The following TMEFF2 variants were observed in gnomAD, a reference collection of about 807,000 sequenced individuals.
The protein encoded by TMEFF2 is tomoregulin-2.
TMEFF2 carries 28 observed loss-of-function variants against 53.8 expected under a neutral mutation model. The ratio of observed to expected loss-of-function variants is 0.52; its 90% CI spans 0.39 to 0.71. The LOEUF (loss-of-function observed/expected upper bound fraction) is 0.71, where lower values mean the gene tolerates loss of function less well. TMEFF2 is among the 30% of genes least tolerant of loss of function. The probability of loss-of-function intolerance (pLI) is 0.00; values close to 1 mark genes in which losing one functional copy is unlikely to be tolerated. For missense variants in TMEFF2, 353 were observed against 455.2 expected (o/e 0.78, Z 2.04); for synonymous variants, 162 against 166.3 (o/e 0.97, Z 0.20).
At chr2:192,089,115 CA>C (rs767437719) in intron 4 of TMEFF2, among the ~76,000 whole-genome samples, 105 of 152,238 alleles carry the variant, frequency 6.9e-4, no homozygotes, top group Non-Finnish European at 1.1e-3. Context: ...TGAATTGCTC[CA>C]ATTCAGCTAA....
In TMEFF2 at chr2:192,183,924, G is replaced by A. The variant is rs184824606; in HGVS notation, c.412+430C>T. On this transcript the variant is annotated intron_variant, in intron 3 of 9. Coordinates refer to ENST00000272771, the MANE Select transcript of TMEFF2 (RefSeq NM_016192.4). ...TTTTGTAGAGCTGCTAAGATTAGAC[G>A]TCAACTTCAGAGCCCAAACCTGCAA... Among the ~76,000 whole-genome samples the A allele has an allele frequency of 4.7e-4, 71 of 152,130 alleles. 1 individual carries two copies. Among genetic ancestry groups the A allele is most frequent in the African/African-American group, 1.3e-3 (54 of 41,504 alleles).
chr2:192,112,638 C>T (rs1431787792), intron 4 of TMEFF2, among the ~76,000 whole-genome samples: 8 of 152,170 alleles, frequency 5.3e-5, no homozygotes, highest in South Asian at 2.1e-4. Context: ...GGTTTTGAAA[C>T]GTGAGAACAT....
intron 7 of TMEFF2, among the ~76,000 whole-genome samples, chr2:191,970,571 T>C (rs947637291): frequency 4.6e-5 from 7 of 152,120 alleles, no homozygotes; most frequent in Non-Finnish European, 8.8e-5. Flanking sequence ...CTTTTGAAAC[T>C]TGAGAGAAAG....
intron 5 of TMEFF2, among the ~76,000 whole-genome samples, chr2:192,017,716 A>G (rs1158037812): frequency 1.3e-5 from 2 of 152,098 alleles, no homozygotes; most frequent in African/African-American, 4.8e-5. Flanking sequence ...AGTCTCTTCA[A>G]TTCAGTCTGA....
At chr2:191,999,977 A>G (rs1419343486) in intron 5 of TMEFF2, among the ~76,000 whole-genome samples, 1 of 151,944 alleles carries the variant, frequency 6.6e-6, no homozygotes, top group Non-Finnish European at 1.5e-5. Flanking sequence ...GCCACTCATG[A>G]TGTTAATATT....
intron 4 of TMEFF2, among the ~76,000 whole-genome samples, chr2:192,173,900 T>G (rs1419636939): frequency 6.6e-6 from 1 of 151,844 alleles, no homozygotes; most frequent in African/African-American, 2.4e-5. Flanking sequence ...TATATTCTTA[T>G]AGTATATGGG....
intron 7 of TMEFF2, among the ~76,000 whole-genome samples, chr2:191,993,824 C>T (rs747504495): frequency 5.9e-5 from 9 of 152,000 alleles, no homozygotes; most frequent in East Asian, 3.9e-4. Flanking sequence ...AGCCTCTTGG[C>T]GTATTTTGTA....
intron 4 of TMEFF2, among the ~76,000 whole-genome samples, chr2:192,133,868 C>T (rs1170999235): frequency 6.6e-6 from 1 of 152,232 alleles, no homozygotes; most frequent in Non-Finnish European, 1.5e-5. Context: ...CGTAAAAACA[C>T]ACGTGCTCTC....
chr2:192,001,343 C>T (rs1303744292), intron 5 of TMEFF2, among the ~76,000 whole-genome samples: 1 of 151,628 alleles, frequency 6.6e-6, no homozygotes, highest in Non-Finnish European at 1.5e-5. Context: ...GAAATGTACA[C>T]TATATATATA....
At position 192,175,089 on chromosome 2, in the gene TMEFF2, T is replaced by G. The variant is rs1691005788; in HGVS notation, c.439+4579A>C. 7.9e-5 allele frequency among the ~76,000 whole-genome samples: 12 copies of G among 151,886 alleles called. No individual in the cohort carries two copies. The South Asian group carries it at 2.5e-3, about 31-fold the overall frequency. ...GTGTGCTCAGAAGAGAATTTACATG[T>G]AATCTCCATGAGTGTAAAGAACTGT... On this transcript the variant is annotated intron_variant, in intron 4 of 9. Coordinates refer to ENST00000272771, the MANE Select transcript of TMEFF2 (RefSeq NM_016192.4).
chr2:192,096,763 G>A (rs761789605), intron 4 of TMEFF2, among the ~76,000 whole-genome samples: 4 of 129,298 alleles, frequency 3.1e-5, no homozygotes, highest in Non-Finnish European at 4.7e-5. Context: ...TGCAACCTCC[G>A]CCTCCTGAGT....
intron 5 of TMEFF2, among the ~76,000 whole-genome samples, chr2:192,039,784 A>C (rs1023877124): frequency 6.6e-6 from 1 of 152,126 alleles, no homozygotes; most frequent in African/African-American, 2.4e-5. Flanking sequence ...GTGAATGTGA[A>C]TTATAATTTT....
At chr2:191,964,470 A>G (rs975400079) in intron 7 of TMEFF2, among the ~76,000 whole-genome samples, 3 of 144,796 alleles carry the variant, frequency 2.1e-5, no homozygotes, top group African/African-American at 7.7e-5. Flanking sequence ...TCTAGGGCCA[A>G]TCCCTCATGA....
intron 4 of TMEFF2, among the ~76,000 whole-genome samples, chr2:192,169,893 T>C (rs1690865388): frequency 6.6e-6 from 1 of 152,068 alleles, no homozygotes; most frequent in Admixed American, 6.6e-5. Context: ...TGAATGTGGC[T>C]GGGCAGCCTG....
intron 4 of TMEFF2, among the ~76,000 whole-genome samples, chr2:192,162,249 C>T (rs1445981520): frequency 6.6e-6 from 1 of 152,160 alleles, no homozygotes; most frequent in Admixed American, 6.5e-5. Context: ...GAAATTACAG[C>T]CATGAAACAA....
In TMEFF2 at chr2:192,194,174, C is replaced by T. The variant is rs1691544097; in HGVS notation, c.172+179G>A. On this transcript the variant is annotated intron_variant, in intron 1 of 9. Coordinates refer to ENST00000272771, the MANE Select transcript of TMEFF2 (RefSeq NM_016192.4). This position sits in a 1 kb window ranked among gnomAD's most constrained non-coding sequence, Gnocchi z 4.2. ...CTTTCTGCCCATCCCAGAACCACCC[C>T]TCACCCCCGGGCCTGCAACAGTTCC... Among the ~76,000 whole-genome samples, 1 of 152,156 alleles carries T rather than the reference C, an allele frequency of 6.6e-6. No individual in the cohort carries two copies. The highest frequency in any genetic ancestry group is 6.5e-5 in the Admixed American group (1 of 15,286).
chr2:192,130,684 A>T (rs1219626746), intron 4 of TMEFF2, among the ~76,000 whole-genome samples: 9 of 151,240 alleles, frequency 6.0e-5, no homozygotes, highest in Admixed American at 2.0e-4. Flanking sequence ...CCCAAATCCT[A>T]TGAAACGGCC....
intron 4 of TMEFF2, among the ~76,000 whole-genome samples, chr2:192,116,760 C>A (rs1045632470): frequency 6.6e-6 from 1 of 151,932 alleles, no homozygotes; most frequent in Admixed American, 6.6e-5. Flanking sequence ...TATTAGAAAT[C>A]TTTTTATATA....
Position 192,019,004 on chromosome 2 carries a change from G to A in TMEFF2, c.537-19796C>T, listed in dbSNP as rs534984921. Among the ~76,000 whole-genome samples the A allele has an allele frequency of 1.8e-4, 28 of 151,872 alleles. No homozygotes were observed. The South Asian group carries it at 4.2e-3, about 23-fold the overall frequency. ...TACACACATTCAGACAACATCTACTGTAATGCTTGGTGTTTAAAGAAAAAT... is the reference window on the plus strand; with the variant it reads ...TACACACATTCAGACAACATCTACTATAATGCTTGGTGTTTAAAGAAAAAT... On this transcript the variant is annotated intron_variant, in intron 5 of 9. Coordinates refer to ENST00000272771, the MANE Select transcript of TMEFF2 (RefSeq NM_016192.4).
Sources: gnomAD v4.1 joint callset for allele counts (sites outside exome capture counted in the v4.1 genomes callset) on GRCh38, gnomAD v4.1.1 for gene constraint, Gnocchi (gnomAD v3.1) non-coding constraint, MANE v1.5 for transcripts, NCBI Gene and HGNC (gene_info 2026-07-23, HGNC 2026-07-21) for gene names.